The following NSD1 variants were observed in gnomAD, a reference collection of about 807,000 sequenced individuals.
NSD1 encodes nuclear receptor binding SET domain protein 1.
A neutral mutation model predicts 242.7 loss-of-function variants in NSD1; 26 were observed. The ratio of observed to expected loss-of-function variants is 0.11; its 90% CI spans 0.08 to 0.15. The LOEUF (loss-of-function observed/expected upper bound fraction) is 0.15, where lower values mean the gene tolerates loss of function less well. NSD1 is among the 10% of genes least tolerant of loss of function. The probability of loss-of-function intolerance (pLI) is 1.00; values close to 1 mark genes in which losing one functional copy is unlikely to be tolerated. For missense variants in NSD1, 2,495 were observed against 3,272.8 expected (o/e 0.76, Z 5.80); for synonymous variants, 1,106 against 1,178.1 (o/e 0.94, Z 1.25).
intron 5 of NSD1, among the ~76,000 whole-genome samples, chr5:177,232,516 T>C (rs1765137754): frequency 6.6e-6 from 1 of 152,130 alleles, no homozygotes; most frequent in South Asian, 2.1e-4. Context: ...TTATTCAACG[T>C]CCCCCAGGGA....
intron 3 of NSD1, 116 bp downstream of exon 3, chr5:177,192,135 G>A: frequency 1.5e-5 from 13 of 885,490 alleles, no homozygotes; most frequent in Non-Finnish European, 2.2e-5. Context: ...ATGAATTGGT[G>A]TTACATATTT....
At chr5:177,142,332 G>C (rs1029400099) in intron 2 of NSD1, among the ~76,000 whole-genome samples, 1 of 152,194 alleles carries the variant, frequency 6.6e-6, no homozygotes, top group Non-Finnish European at 1.5e-5. Context: ...AAAAAGGAAA[G>C]AGATAGTTTG....
chr5:177,293,120 C>T (rs1228489160), intron 22 of NSD1, among the ~76,000 whole-genome samples: 3 of 152,172 alleles, frequency 2.0e-5, no homozygotes, highest in African/African-American at 2.4e-5. Context: ...TCGTCACTGG[C>T]GCAGGCTATG....
chr5:177,208,699 C>CTTAA (rs561781385), intron 4 of NSD1, among the ~76,000 whole-genome samples: 262 of 150,684 alleles, frequency 1.7e-3, no homozygotes, highest in African/African-American at 4.3e-3. Context: ...CTTCATATTC[C>CTTAA]TTAATTAATT....
intron 2 of NSD1, among the ~76,000 whole-genome samples, chr5:177,160,504 T>G (rs1477149128): frequency 1.3e-5 from 2 of 151,788 alleles, no homozygotes; most frequent in Admixed American, 1.3e-4. Flanking sequence ...GCTTTCACCA[T>G]GTTGGCCAGG....
intron 2 of NSD1, among the ~76,000 whole-genome samples, chr5:177,178,261 T>C (rs1760369034): frequency 6.6e-6 from 1 of 151,702 alleles, no homozygotes; most frequent in South Asian, 2.1e-4. Flanking sequence ...AGTTTTGCTG[T>C]TGTTGCCTAG....
At position 177,295,675 on chromosome 5, in the gene NSD1, C is replaced by T; in HGVS notation, c.*216C>T. 1.6e-6 allele frequency: 1 copy of T among 619,168 alleles called. No homozygotes were observed. Among genetic ancestry groups the T allele is most frequent in the Non-Finnish European group, 2.9e-6 (1 of 350,248 alleles). 38.4% of individuals were successfully genotyped at this position (619,168 alleles called of 1,614,324 possible). On this transcript the variant is annotated 3_prime_UTR_variant, in exon 23 of 23. Coordinates refer to ENST00000439151, the MANE Select transcript of NSD1 (RefSeq NM_022455.5). The surrounding 1 kb of genome is among the most constrained non-coding windows in gnomAD (Gnocchi z 4.3). ...ACCATGTATGAAAATCCAGTGGGCC[C>T]CAACCAAGGAGACAGACAGACTTGG... is the stretch of plus-strand genomic sequence containing the variant.
chr5:177,144,698 T>C (rs1757091169), intron 2 of NSD1, among the ~76,000 whole-genome samples: 1 of 152,214 alleles, frequency 6.6e-6, no homozygotes, highest in Non-Finnish European at 1.5e-5. Context: ...GGTAGGATAA[T>C]AACAATTGAA....
intron 2 of NSD1, among the ~76,000 whole-genome samples, chr5:177,180,738 A>C (rs987447100): frequency 3.7e-4 from 56 of 152,010 alleles, no homozygotes; most frequent in African/African-American, 1.2e-3. Context: ...GCTAGAGTGC[A>C]GTGACATGAT....
intron 2 of NSD1, among the ~76,000 whole-genome samples, chr5:177,188,368 G>A (rs190397518): frequency 6.6e-6 from 1 of 152,290 alleles, no homozygotes; most frequent in Non-Finnish European, 1.5e-5. Flanking sequence ...TATTGTCTAT[G>A]AACGAAAGTA....
intron 17 of NSD1, among the ~76,000 whole-genome samples, chr5:177,279,609 A>ATTTTTTT (rs1457964040): frequency 4.6e-5 from 5 of 107,778 alleles, no homozygotes; most frequent in African/African-American, 1.9e-4. Context: ...CAGCTTTGAA[A>ATTTTTTT]ATTTTTTTTT....
chr5:177,178,472 TGCCTCG>T (rs1760390256), intron 2 of NSD1, among the ~76,000 whole-genome samples: 3 of 152,184 alleles, frequency 2.0e-5, no homozygotes, highest in Admixed American at 2.0e-4. Context: ...GTGATCCACC[TGCCTCG>T]GCCTGCCAAA....
chr5:177,151,149 G>A (rs968979092), intron 2 of NSD1, among the ~76,000 whole-genome samples: 4 of 152,152 alleles, frequency 2.6e-5, no homozygotes, highest in Non-Finnish European at 4.4e-5. Flanking sequence ...AGGCCTAGGC[G>A]GGAGGATCAC....
chr5:177,175,072 C>CGGGTTA (rs1760080364), intron 2 of NSD1, among the ~76,000 whole-genome samples: 3 of 151,308 alleles, frequency 2.0e-5, no homozygotes, highest in African/African-American at 7.3e-5. Flanking sequence ...GGGGTTTCAC[C>CGGGTTA]GTGTTAGTCA....
intron 2 of NSD1, among the ~76,000 whole-genome samples, chr5:177,161,640 C>T (rs1581169396): frequency 6.7e-6 from 1 of 150,146 alleles, no homozygotes; most frequent in South Asian, 2.1e-4. Flanking sequence ...TTCCTGTGAA[C>T]ATTGGGTTAT....
intron 14 of NSD1, chr5:177,265,582 GTA>G: frequency 8.0e-7 from 1 of 1,249,086 alleles, no homozygotes; most frequent in East Asian, 2.3e-5. Context: ...AGCACATCCT[GTA>G]GTCTGTGGAG....
intron 17 of NSD1, among the ~76,000 whole-genome samples, chr5:177,275,729 G>A (rs183952195): frequency 1.2e-4 from 18 of 152,046 alleles, no homozygotes; most frequent in African/African-American, 3.6e-4. Context: ...CACTGCGCCC[G>A]GCCTCCCTTT....
intron 14 of NSD1, chr5:177,265,753 C>T (rs528077787): frequency 1.3e-6 from 2 of 1,524,378 alleles, no homozygotes; most frequent in Non-Finnish European, 1.8e-6. Flanking sequence ...GCTTCCAGTG[C>T]GTGTACAGGG....
At chr5:177,264,714 T>C (rs1757277036) in intron 14 of NSD1, 1 of 633,340 alleles carries the variant, frequency 1.6e-6, no homozygotes, top group Non-Finnish European at 2.9e-6. Flanking sequence ...AAGAGAATTA[T>C]TAAGTAAAGG....
Sources: allele counts gnomAD v4.1 joint callset (sites outside exome capture counted in the v4.1 genomes callset), GRCh38; gene constraint gnomAD v4.1.1; non-coding constraint Gnocchi (gnomAD v3.1); transcripts MANE v1.5; gene names NCBI Gene and HGNC (gene_info 2026-07-23, HGNC 2026-07-21).